HPSE2: variants seen among roughly 807,000 people sequenced by gnomAD.
HPSE2 encodes the protein inactive heparanase-2.
HPSE2 carries 38 observed loss-of-function variants against 60.5 expected under a neutral mutation model. The observed-to-expected ratio is 0.63, with a 90% CI of 0.48 to 0.82. HPSE2 has a LOEUF of 0.82. Ranked by LOEUF, HPSE2 falls within the 40% of genes least tolerant of loss-of-function variation. The pLI is 0.00. For synonymous variants in HPSE2, 295 were observed against 293.2 expected (o/e 1.01, Z -0.06); for missense variants, 713 against 740.4 (o/e 0.96, Z 0.43).
chr10:99,293,302 G>C, the HPSE2 span, among the ~76,000 whole-genome samples: 1 of 152,214 alleles, frequency 6.6e-6, no homozygotes, highest in African/African-American at 2.4e-5. Context: ...AGTTAGAACT[G>C]AGAAACATTG....
At chr10:98,782,669 A>T (rs1950499585) in intron 3 of HPSE2, among the ~76,000 whole-genome samples, 1 of 89,328 alleles carries the variant, frequency 1.1e-5, no homozygotes, top group Admixed American at 1.0e-4. Context: ...AATGTTGATG[A>T]GAGGAGAGAC....
At chr10:98,517,024 T>G (rs1318620618) in intron 9 of HPSE2, among the ~76,000 whole-genome samples, 1 of 152,172 alleles carries the variant, frequency 6.6e-6, no homozygotes, top group African/African-American at 2.4e-5. Flanking sequence ...TGAGTGGTTC[T>G]TAGTTTCAGG....
At chr10:99,141,136 A>C (rs1043149176) in intron 3 of HPSE2, among the ~76,000 whole-genome samples, 1 of 152,254 alleles carries the variant, frequency 6.6e-6, no homozygotes, top group South Asian at 2.1e-4. Flanking sequence ...TCATGAGAGC[A>C]CAAAGAACAC....
intron 2 of HPSE2, among the ~76,000 whole-genome samples, chr10:99,175,579 T>A (rs1252501042): frequency 6.6e-6 from 1 of 152,170 alleles, no homozygotes; most frequent in Non-Finnish European, 1.5e-5. Context: ...AGATTCCTCT[T>A]CTCTGGGTAG....
chr10:98,619,543 A>G (rs1227924798), intron 8 of HPSE2, among the ~76,000 whole-genome samples: 2 of 152,308 alleles, frequency 1.3e-5, no homozygotes, highest in African/African-American at 4.8e-5. Flanking sequence ...TGAATATAGA[A>G]CAAGGCCTCA....
chr10:98,482,869 A>G (rs1941296450), intron 10 of HPSE2, 87 bp from the exon 11 acceptor site: 1 of 1,417,716 alleles, frequency 7.1e-7, no homozygotes, highest in Non-Finnish European at 9.9e-7. Context: ...TGTACAAAAT[A>G]TGAACAGCCC....
intron 3 of HPSE2, among the ~76,000 whole-genome samples, chr10:99,078,464 C>T (rs367794991): frequency 4.6e-5 from 7 of 152,194 alleles, no homozygotes; most frequent in African/African-American, 1.7e-4. Flanking sequence ...AATGTAAATG[C>T]TATGTAGACA....
At chr10:99,047,390 G>A (rs979239512) in intron 3 of HPSE2, among the ~76,000 whole-genome samples, 1 of 152,060 alleles carries the variant, frequency 6.6e-6, no homozygotes, top group Non-Finnish European at 1.5e-5. Context: ...CCTAGGAAAT[G>A]CACTTTTCAA....
chr10:98,941,129 C>G (rs368401970), intron 3 of HPSE2, among the ~76,000 whole-genome samples: 1 of 142,206 alleles, frequency 7.0e-6, no homozygotes, highest in Non-Finnish European at 1.5e-5. Flanking sequence ...CAGTATCATC[C>G]TGAATGGGCA....
intron 9 of HPSE2, among the ~76,000 whole-genome samples, chr10:98,602,736 G>A (rs1945463712): frequency 6.6e-6 from 1 of 152,116 alleles, no homozygotes; most frequent in Non-Finnish European, 1.5e-5. Context: ...AAATGGTATT[G>A]GGACAACTGT....
At chr10:99,236,173 G>A (rs1849848768), upstream of HPSE2, among the ~76,000 whole-genome samples, 1 of 151,786 alleles carries the variant, frequency 6.6e-6, no homozygotes, top group Admixed American at 6.6e-5. Flanking sequence ...AAAGGTAAGG[G>A]GAGGGGAGCA....
chr10:98,970,479 T>C (rs1351432316), intron 3 of HPSE2, among the ~76,000 whole-genome samples: 1 of 152,138 alleles, frequency 6.6e-6, no homozygotes, highest in African/African-American at 2.4e-5. Context: ...ACACTGACAC[T>C]TTATAATTAT....
chr10:98,601,940 T>C (rs1270899185), intron 9 of HPSE2, among the ~76,000 whole-genome samples: 1 of 152,198 alleles, frequency 6.6e-6, no homozygotes, highest in Non-Finnish European at 1.5e-5. Context: ...ATAGGGTAAC[T>C]CTCAGGCCCT....
intron 9 of HPSE2, among the ~76,000 whole-genome samples, chr10:98,600,869 A>G (rs1317930404): frequency 3.8e-5 from 4 of 105,346 alleles, no homozygotes. Context: ...ATATATACGT[A>G]TATATGTATA....
chr10:98,984,732 T>C (rs1287222643), intron 3 of HPSE2, among the ~76,000 whole-genome samples: 2 of 152,112 alleles, frequency 1.3e-5, no homozygotes, highest in African/African-American at 4.8e-5. Flanking sequence ...GCAAAGAAGT[T>C]AGAACCTTGA....
chr10:99,014,685 C>T (rs879794444), intron 3 of HPSE2, among the ~76,000 whole-genome samples: 1 of 152,108 alleles, frequency 6.6e-6, no homozygotes, highest in Admixed American at 6.5e-5. Flanking sequence ...TTTTGATATG[C>T]GTTTCTCTAG....
At chr10:98,864,690 G>A (rs1166608328) in intron 3 of HPSE2, among the ~76,000 whole-genome samples, 1 of 152,116 alleles carries the variant, frequency 6.6e-6, no homozygotes, top group Non-Finnish European at 1.5e-5. Flanking sequence ...CTTAAAGAAT[G>A]ACAGTGTCAA....
At chr10:98,674,640 C>T (rs369299710) in intron 6 of HPSE2, among the ~76,000 whole-genome samples, 4 of 152,154 alleles carry the variant, frequency 2.6e-5, no homozygotes, top group Non-Finnish European at 4.4e-5. Context: ...AATAGCCAGG[C>T]GCAATGATTC....
At chr10:98,508,773 G>A (rs577484042) in intron 9 of HPSE2, among the ~76,000 whole-genome samples, 1 of 152,262 alleles carries the variant, frequency 6.6e-6, no homozygotes, top group African/African-American at 2.4e-5. Context: ...ACTGTGAGAT[G>A]GGAAGGAGTT....
Sources: gnomAD v4.1 joint callset for allele counts (sites outside exome capture counted in the v4.1 genomes callset) on GRCh38, gnomAD v4.1.1 for gene constraint, MANE v1.5 for transcripts, NCBI Gene and HGNC (gene_info 2026-07-23, HGNC 2026-07-21) for gene names.